Variants in VRK2 observed in about 807,000 individuals in gnomAD.
VRK2 encodes serine/threonine-protein kinase VRK2.
Under a neutral mutation model 57.6 loss-of-function variants are expected in VRK2, and 60 were observed. The observed-to-expected ratio is 1.04, with a 90% CI of 0.85 to 1.29. The LOEUF (loss-of-function observed/expected upper bound fraction) is 1.29. Ranked by LOEUF, VRK2 falls within the 50% of genes most tolerant of loss-of-function variation. VRK2 has a pLI of 0.00. For missense variants in VRK2, 705 were observed against 588.1 expected, an observed-to-expected ratio of 1.20 and a Z score of -2.06; for synonymous variants, 231 against 199.2, an observed-to-expected ratio of 1.16 and a Z score of -1.35.
intron 1 of VRK2, among the ~76,000 whole-genome samples, chr2:57,947,681 G>A (rs1013725160): frequency 6.6e-6 from 1 of 152,140 alleles, no homozygotes; most frequent in Non-Finnish European, 1.5e-5. Context: ...ATCTCAGGAT[G>A]CAAACATATC....
At chr2:57,944,542 C>T (rs1288429146) in intron 1 of VRK2, among the ~76,000 whole-genome samples, 1 of 152,204 alleles carries the variant, frequency 6.6e-6, no homozygotes, top group Non-Finnish European at 1.5e-5. Context: ...CAAGACCATC[C>T]TGGCTAACAC....
Position 58,029,489 on chromosome 2 carries a change from A to C in VRK2, c.-333+3719A>C, listed in dbSNP as rs150447504. ...TTTTACAAAAGAAACTTTCACTAAC[A>C]TTTAAAGAAAAAGTTAAAAGTACTC... On this transcript the variant is annotated intron_variant, in intron 2 of 15. Coordinates refer to the VRK2 transcript ENST00000417641. 2.1e-3 allele frequency among the ~76,000 whole-genome samples: 322 copies of C among 152,312 alleles called. 1 individual carries two copies. The highest frequency in any genetic ancestry group is 2.3e-3 in the Admixed American group (35 of 15,292).
At chr2:58,005,877 C>T (rs1673227568) in intron 1 of VRK2, among the ~76,000 whole-genome samples, 1 of 152,158 alleles carries the variant, frequency 6.6e-6, no homozygotes, top group African/African-American at 2.4e-5. Flanking sequence ...GGGATCTCTC[C>T]AACCTCAAGG....
At chr2:57,979,607 C>G (rs1572931101) in intron 1 of VRK2, among the ~76,000 whole-genome samples, 1 of 144,940 alleles carries the variant, frequency 6.9e-6, no homozygotes, top group East Asian at 1.9e-4. Context: ...AATTTAACCC[C>G]AGCACTAGCA....
intron 7 of VRK2, among the ~76,000 whole-genome samples, chr2:58,101,318 T>C (rs1673927816): frequency 6.6e-6 from 1 of 151,668 alleles, no homozygotes; most frequent in African/African-American, 2.4e-5. Context: ...ACTTTTAAAT[T>C]TTTTATCTAT....
intron 2 of VRK2, chr2:58,028,167 T>G (rs1673992632): frequency 6.6e-6 from 1 of 152,140 alleles, no homozygotes; most frequent in African/African-American, 2.4e-5. Flanking sequence ...GAAAACTGTT[T>G]TTATCTTGGG....
chr2:58,084,045 G>T, intron 2 of VRK2, 44 bp from the exon 3 acceptor site: 2 of 1,590,694 alleles, frequency 1.3e-6, no homozygotes, highest in South Asian at 2.3e-5. Flanking sequence ...TTCAGTAATT[G>T]GGAATAACTA....
At chr2:58,030,192 A>T (rs1319993407) in intron 2 of VRK2, among the ~76,000 whole-genome samples, 1 of 152,102 alleles carries the variant, frequency 6.6e-6, no homozygotes, top group Non-Finnish European at 1.5e-5. Context: ...ATTAATATGC[A>T]CACATATTGC....
chr2:58,007,027 C>T (rs901846942), intron 1 of VRK2, among the ~76,000 whole-genome samples: 1 of 151,974 alleles, frequency 6.6e-6, no homozygotes, highest in African/African-American at 2.4e-5. Context: ...TTCTCTCAGC[C>T]TTCCCCAAAG....
chr2:58,036,112 T>C (rs2103708050), intron 3 of VRK2, among the ~76,000 whole-genome samples: 1 of 152,084 alleles, frequency 6.6e-6, no homozygotes, highest in East Asian at 1.9e-4. Context: ...GAGATCAACA[T>C]AATATACCAT....
chr2:58,046,694 C>T, upstream of VRK2: 1 of 985,584 alleles, frequency 1.0e-6, no homozygotes, highest in Non-Finnish European at 1.2e-6. Flanking sequence ...GCTCCGCGGG[C>T]CGCTGCACTG....
intron 7 of VRK2, among the ~76,000 whole-genome samples, chr2:58,092,008 A>G (rs561967290): frequency 6.6e-6 from 1 of 152,346 alleles, no homozygotes; most frequent in Non-Finnish European, 1.5e-5. Flanking sequence ...ATATCTGCAT[A>G]CTTTTCAAAG....
At chr2:58,109,350 G>C (rs1345228879) in intron 7 of VRK2, among the ~76,000 whole-genome samples, 1 of 151,968 alleles carries the variant, frequency 6.6e-6, no homozygotes, top group Non-Finnish European at 1.5e-5. Flanking sequence ...TGTTAAAATA[G>C]CAGATTCATG....
chr2:58,139,569 G>C (rs1440386563), intron 10 of VRK2, 97 bp from the exon 11 acceptor site: 1 of 1,061,824 alleles, frequency 9.4e-7, no homozygotes, highest in African/African-American at 1.6e-5. Flanking sequence ...AGATGTAAAT[G>C]TGTAAAAGAC....
At chr2:58,149,800 C>T (rs377687245) in intron 12 of VRK2, among the ~76,000 whole-genome samples, 67 of 151,372 alleles carry the variant, frequency 4.4e-4, no homozygotes, top group Non-Finnish European at 7.4e-5. Context: ...TTTACTAGTA[C>T]GATGAATTAC....
intron 1 of VRK2, among the ~76,000 whole-genome samples, chr2:57,979,399 C>A (rs576762985): frequency 2.6e-5 from 4 of 151,002 alleles, no homozygotes; most frequent in Non-Finnish European, 5.9e-5. Context: ...CTTTGATTTG[C>A]ATGTGAATTA....
At chr2:58,047,261 C>T (rs1674949724) in intron 1 of VRK2, 2 of 333,424 alleles carry the variant, frequency 6.0e-6, no homozygotes, top group Non-Finnish European at 8.6e-6. Context: ...CTTCTCGTTA[C>T]CTTCCGCAGG....
At chr2:58,119,476 C>CA (rs35693605) in intron 7 of VRK2, among the ~76,000 whole-genome samples, 38,175 of 86,702 alleles carry the variant, frequency 0.44, 6,763 homozygotes, top group East Asian at 0.54. Flanking sequence ...GACTCCATCT[C>CA]AAAAAAAAAA....
At chr2:57,946,860 TA>T (rs967730895) in intron 1 of VRK2, among the ~76,000 whole-genome samples, 4 of 152,100 alleles carry the variant, frequency 2.6e-5, no homozygotes, top group African/African-American at 9.7e-5. Context: ...ATGAGAGACT[TA>T]ATCAACTCCA....
Sources: allele counts gnomAD v4.1 joint callset (sites outside exome capture counted in the v4.1 genomes callset), GRCh38; gene constraint gnomAD v4.1.1; transcripts MANE v1.5; gene names NCBI Gene and HGNC (gene_info 2026-07-23, HGNC 2026-07-21).